The following GRAMD1B variants were observed in gnomAD, a reference collection of about 807,000 sequenced individuals.
The protein encoded by GRAMD1B is protein Aster-B.
In GRAMD1B, 37 loss-of-function variants were observed where a neutral mutation model predicts 99.7. The observed-to-expected ratio is 0.37, with a 90% CI of 0.29 to 0.49. GRAMD1B has a LOEUF of 0.49. Ranked by LOEUF, GRAMD1B falls within the 20% of genes least tolerant of loss-of-function variation. The pLI is 0.98. For missense variants in GRAMD1B, 888 were observed against 1,009.2 expected (o/e 0.88, Z 1.63); for synonymous variants, 427 against 387.6 (o/e 1.10, Z -1.19).
chr11:123,365,361 C>T (rs1946283805), intron 1 of GRAMD1B, among the ~76,000 whole-genome samples: 1 of 152,154 alleles, frequency 6.6e-6, no homozygotes, highest in Non-Finnish European at 1.5e-5. Context: ...AAGAGATTCT[C>T]CTGCCTCAGT....
chr11:123,580,058 C>T (rs1949175854), intron 3 of GRAMD1B, among the ~76,000 whole-genome samples: 1 of 152,186 alleles, frequency 6.6e-6, no homozygotes, highest in Admixed American at 6.5e-5. Context: ...ACCCACTTCC[C>T]CACCTCATTC....
rs5795381 is a variant in GRAMD1B at position 123,574,076 on chromosome 11, TAAA to T, written c.453-3276_453-3274del. Among the ~76,000 whole-genome samples, 44 of 125,724 alleles carry T rather than the reference TAAA, an allele frequency of 3.5e-4. No individual in the cohort carries two copies. In the South Asian group the frequency reaches 0.01, roughly 29 times the overall value. 82.5% of individuals were successfully genotyped at this position (125,724 alleles called of 152,430 possible). The stretch of plus-strand genomic sequence containing the variant: ...ATGGGTCTTGAAGAATGAACAGAAT[TAAA>T]AAAAAAAAAAAAAAGAAGAAAGAGC... On this transcript the variant is annotated intron_variant, in intron 2 of 19. Transcript: ENST00000635736.
intron 2 of GRAMD1B, among the ~76,000 whole-genome samples, chr11:123,558,345 A>T (rs1272400532): frequency 2.0e-5 from 3 of 152,150 alleles, no homozygotes; most frequent in African/African-American, 2.4e-5. Flanking sequence ...GACATGAAAG[A>T]AAAAATAGCC....
chr11:123,469,920 T>G (rs891999954), intron 1 of GRAMD1B, among the ~76,000 whole-genome samples: 6 of 152,168 alleles, frequency 3.9e-5, no homozygotes, highest in African/African-American at 1.2e-4. Flanking sequence ...GTGCTGCATT[T>G]TTGTTGTTGT....
chr11:123,390,953 C>A (rs1947255649), intron 1 of GRAMD1B, among the ~76,000 whole-genome samples: 1 of 152,214 alleles, frequency 6.6e-6, no homozygotes. Context: ...GCTTGCAACC[C>A]AGGCTTAGAT....
intron 14 of GRAMD1B, among the ~76,000 whole-genome samples, chr11:123,611,747 G>T (rs563554577): frequency 6.6e-5 from 10 of 152,106 alleles, no homozygotes; most frequent in Non-Finnish European, 1.3e-4. Context: ...CGGTTGTTGA[G>T]TTGGGGAGTG....
intron 1 of GRAMD1B, among the ~76,000 whole-genome samples, chr11:123,416,234 C>G (rs1265630660): frequency 6.6e-6 from 1 of 151,918 alleles, no homozygotes; most frequent in Non-Finnish European, 1.5e-5. Flanking sequence ...TAGAAAGATC[C>G]CCTGCTTGAA....
rs1416519760 is a variant in GRAMD1B at position 123,577,555 on chromosome 11, G to T, written c.641G>T (p.Arg214Leu). 6.3e-7 allele frequency: 1 copy of T among 1,589,862 alleles called. No individual in the cohort carries two copies. The highest frequency in any genetic ancestry group is 8.6e-7 in the Non-Finnish European group (1 of 1,168,598). ...CGCAGCTGCTCCTCCCAGTCCGGCC[G>T]GAGCGGCGGCAAGAATTCCAAGGTG... ...VQRSCSSQSGRSGGKNSKKSQ... is the reference protein window; with the variant it reads ...VQRSCSSQSGLSGGKNSKKSQ... The change falls in exon 3 of 20, where the codon CGG (arginine) becomes CTG (leucine). Residue 214 changes from arginine (R) to leucine (L), a missense_variant. Around this residue, in one of 5 missense-constraint regions of GRAMD1B, gnomAD observed 62 missense variants for 139.4 expected, o/e 0.44. Coordinates refer to ENST00000635736, the MANE Select transcript of GRAMD1B (RefSeq NM_001387025.1).
At chr11:123,543,645 T>C (rs1944764586) in intron 2 of GRAMD1B, among the ~76,000 whole-genome samples, 1 of 152,250 alleles carries the variant, frequency 6.6e-6, no homozygotes, top group Non-Finnish European at 1.5e-5. Flanking sequence ...GAAACTTTTC[T>C]TGGAAGTCAA....
rs1195427453 is a variant in GRAMD1B, at chr11:123,507,572, C to A, written c.452+26679C>A. ...TCAGGATATACATCCTTCCCCCTTA[C>A]CTCAATTTGAATCAGAGTAGTTAAA... On this transcript the variant is annotated intron_variant, in intron 2 of 19. Transcript: ENST00000635736. 2.0e-5 allele frequency among the ~76,000 whole-genome samples: 3 copies of A among 152,168 alleles called. No individual in the cohort carries two copies. The East Asian group carries it at 5.8e-4, about 29-fold the overall frequency.
chr11:123,404,846 G>C (rs541254432), intron 1 of GRAMD1B, among the ~76,000 whole-genome samples: 59 of 152,320 alleles, frequency 3.9e-4, no homozygotes, highest in Admixed American at 3.3e-3. Context: ...TCATGAGAGG[G>C]GCTCAGCTGC....
At chr11:123,451,046 C>G (rs918337241) in intron 1 of GRAMD1B, among the ~76,000 whole-genome samples, 9 of 152,158 alleles carry the variant, frequency 5.9e-5, no homozygotes, top group Non-Finnish European at 1.0e-4. Context: ...GTACTGATAC[C>G]TGCTGTTGGG....
At chr11:123,366,526 T>C (rs752840519) in intron 1 of GRAMD1B, among the ~76,000 whole-genome samples, 3 of 152,258 alleles carry the variant, frequency 2.0e-5, no homozygotes, top group Non-Finnish European at 4.4e-5. Flanking sequence ...TTAATTTAGG[T>C]GTCAAACCTT....
intron 1 of GRAMD1B, among the ~76,000 whole-genome samples, chr11:123,368,259 A>C (rs972040370): frequency 3.9e-5 from 4 of 103,714 alleles, no homozygotes; most frequent in East Asian, 2.3e-4. Context: ...ATCTTAAAAC[A>C]AAAAAAAAAA....
At chr11:123,612,889 A>T in intron 15 of GRAMD1B, 25 bp downstream of exon 15, 1 of 1,338,906 alleles carries the variant, frequency 7.5e-7, no homozygotes, top group Non-Finnish European at 1.1e-6. Context: ...CCTTGCTGCT[A>T]GCTGGGCTGC....
At chr11:123,581,451 G>T (rs528564543) in intron 3 of GRAMD1B, among the ~76,000 whole-genome samples, 1 of 152,178 alleles carries the variant, frequency 6.6e-6, no homozygotes, top group African/African-American at 2.4e-5. Context: ...GGTCCTTCCC[G>T]TCTGGCAGAG....
At chr11:123,455,191 T>A (rs1411727692) in intron 1 of GRAMD1B, among the ~76,000 whole-genome samples, 2 of 152,246 alleles carry the variant, frequency 1.3e-5, no homozygotes, top group Non-Finnish European at 2.9e-5. Context: ...GAAAAATATT[T>A]GATTAAACTA....
intron 1 of GRAMD1B, among the ~76,000 whole-genome samples, chr11:123,379,390 CT>C (rs775562250): frequency 2.0e-5 from 3 of 151,936 alleles, no homozygotes; most frequent in Non-Finnish European, 2.9e-5. Context: ...AGAGACACTG[CT>C]TTTTGTTGAG....
chr11:123,552,263 CTCTT>C (rs1368917956), intron 2 of GRAMD1B, among the ~76,000 whole-genome samples: 8 of 139,856 alleles, frequency 5.7e-5, no homozygotes, highest in South Asian at 4.6e-4. Flanking sequence ...CAGTTGTCTT[CTCTT>C]TCTTTCTTTT....
Sources: allele counts gnomAD v4.1 joint callset (sites outside exome capture counted in the v4.1 genomes callset), GRCh38; gene constraint gnomAD v4.1.1; regional missense constraint gnomAD v4.1.1; transcripts MANE v1.5; gene names NCBI Gene and HGNC (gene_info 2026-07-23, HGNC 2026-07-21).